The following TSC1 variants were observed in gnomAD, a reference collection of about 807,000 sequenced individuals.
The protein encoded by TSC1 is TSC complex subunit 1.
Under a neutral mutation model 124.3 loss-of-function variants are expected in TSC1, and 20 were observed. That is an observed-to-expected ratio of 0.16 (90% CI 0.11 to 0.23). TSC1 has a LOEUF of 0.23. Ranked by LOEUF, TSC1 falls within the 10% of genes least tolerant of loss-of-function variation. The pLI is 1.00. For synonymous variants in TSC1, 493 were observed against 539.1 expected (o/e 0.91, Z 1.19); for missense variants, 1,124 against 1,448.5 (o/e 0.78, Z 3.64).
chr9:132,896,456 C>T lies in TSC1; in HGVS notation c.3274G>A (p.Ala1092Thr), dbSNP rs747053008. The T allele has an allele frequency of 1.2e-6, 2 of 1,614,106 alleles. No individual in the cohort carries two copies. Among genetic ancestry groups the T allele is most frequent in the Non-Finnish European group, 1.7e-6 (2 of 1,180,056 alleles). ...PSSKSFLGMK[A>T]RELFRNKSES... The stretch of plus-strand genomic sequence containing the variant: ...CTCTTATTACGAAATAACTCTCGAG[C>T]CTTCATACCCAGGAAGCTTTTTGAA... Residue 1092 changes from alanine to threonine, a missense_variant, in exon 23 of 23, where the codon GCT becomes ACT. Around this residue, in one of 5 missense-constraint regions of TSC1, gnomAD observed 325 missense variants for 383.4 expected, o/e 0.85. Transcript: ENST00000298552. The surrounding 1 kb of genome is among the most constrained non-coding windows in gnomAD (Gnocchi z 4.5).
At position 132,925,693 on chromosome 9, in the gene TSC1, C is replaced by T. The variant is rs1846818019; in HGVS notation, c.257G>A (p.Arg86His). 1 of 1,614,194 alleles carries T rather than the reference C, an allele frequency of 6.2e-7. No individual in the cohort carries two copies. The highest frequency in any genetic ancestry group is 1.1e-5 in the South Asian group (1 of 91,086). ...ACCCAGTAACGAGAGGATGGATAAACGAGTGGCGGCTTTGCCCACATATTC... is the reference window on the plus strand; with the variant it reads ...ACCCAGTAACGAGAGGATGGATAAATGAGTGGCGGCTTTGCCCACATATTC... ...INEYVGKAAT[R>H]LSILSLLGHV... is the part of the protein sequence containing the mutation. Residue 86 changes from arginine to histidine, a missense_variant, in exon 5 of 23, where the codon CGT (arginine) becomes CAT (histidine). Physicochemically the swap from Arg to His is conservative, Grantham distance 29. Transcript: ENST00000298552.
At chr9:132,925,974 T>C (rs1003306968) in intron 4 of TSC1, 2 of 547,438 alleles carry the variant, frequency 3.7e-6, no homozygotes, top group African/African-American at 3.8e-5. Flanking sequence ...GACCCTACAA[T>C]ACACGCATGC....
Position 132,928,823 on chromosome 9 carries a change from G to A in TSC1, c.50C>T (p.Pro17Leu). The change falls in exon 3 of 23, where the codon CCC (proline) becomes CTC (leucine). Residue 17 changes from proline (P) to leucine (L), a missense_variant. Physicochemically the swap from Pro to Leu is moderately conservative, Grantham distance 98 (BLOSUM62 -3). This residue lies in a region of TSC1 where 463 missense variants were observed against 606.8 expected (regional missense o/e 0.76). Transcript: ENST00000298552. ...VGELLAMLDS[P>L]MLGVRDDVTA... ...CACGTCGTCCCGCACACCCAGCATG[G>A]GGGAGTCCAGCATGGCAAGAAGCTC... The A allele has an allele frequency of 6.2e-7, 1 of 1,614,166 alleles. No individual in the cohort carries two copies. The highest frequency in any genetic ancestry group is 8.5e-7 in the Non-Finnish European group (1 of 1,180,040).
chr9:132,921,939 A>G lies in TSC1; in HGVS notation c.543T>C (p.His181=). 6.2e-7 allele frequency: 1 copy of G among 1,614,220 alleles called. No homozygotes were observed. The highest frequency in any genetic ancestry group is 8.5e-7 in the Non-Finnish European group (1 of 1,180,022). Reference sequence around the variant, plus strand: ...GATGAAAGAGTGCGTACACACTGGCATGGAGATGGACGAGATAGACTTCCG... The same window carrying G: ...GATGAAAGAGTGCGTACACACTGGCGTGGAGATGGACGAGATAGACTTCCG... ...HVAEVYLVHL[H]ASVYALFHRL... is the part of the protein sequence containing the mutation. The change falls in exon 7 of 23, where the codon CAT becomes CAC. Residue 181 remains histidine (H), a synonymous_variant. Transcript: ENST00000298552. The surrounding 1 kb of genome is among the most constrained non-coding windows in gnomAD (Gnocchi z 4.3).
At chr9:132,913,471 A>T (rs943702199) in intron 8 of TSC1, among the ~76,000 whole-genome samples, 3 of 152,072 alleles carry the variant, frequency 2.0e-5, no homozygotes, top group Admixed American at 2.0e-4. Flanking sequence ...ATAGAATATA[A>T]CCCTTTGGTT....
chr9:132,913,744 T>C (rs570050511), intron 8 of TSC1, among the ~76,000 whole-genome samples: 1 of 140,876 alleles, frequency 7.1e-6, no homozygotes, highest in Non-Finnish European at 1.5e-5. Flanking sequence ...GAGAATGGCG[T>C]GAACCCAGGA....
At position 132,921,989 on chromosome 9, in the gene TSC1, G is replaced by A. The variant is rs1316888340; in HGVS notation, c.509-16C>T. ...GCCACGTGGCCTAGAAAAGGAACCC[G>A]TTGAGAAGAGCCTCTTAGTTGGAGA... On this transcript the variant is annotated splice_polypyrimidine_tract_variant and intron_variant, in intron 6 of 22. Transcript: ENST00000298552. This position sits in a 1 kb window ranked among gnomAD's most constrained non-coding sequence, Gnocchi z 4.3. 9 of 1,613,872 alleles carry A rather than the reference G, an allele frequency of 5.6e-6. No homozygotes were observed. Among genetic ancestry groups the A allele is most frequent in the African/African-American group, 1.3e-5 (1 of 74,916 alleles).
Position 132,928,952 on chromosome 9 carries a change from A to G in TSC1, c.-80T>C. 6.3e-7 allele frequency: 1 copy of G among 1,597,664 alleles called. No individual in the cohort carries two copies. The highest frequency in any genetic ancestry group is 2.3e-5 in the East Asian group (1 of 44,328). Reference sequence around the variant, plus strand: ...GGTTCTTCATTGGGGCCACTACCAAACTGAGAAAAAGGAAGATGAACAGTC... The same window carrying G: ...GGTTCTTCATTGGGGCCACTACCAAGCTGAGAAAAAGGAAGATGAACAGTC... On this transcript the variant is annotated splice_region_variant and 5_prime_UTR_variant, in exon 3 of 23. Coordinates refer to ENST00000298552, the MANE Select transcript of TSC1 (RefSeq NM_000368.5).
chr9:132,901,605 C>T lies in TSC1; in HGVS notation c.2486G>A (p.Ser829Asn), dbSNP rs1202468122. ...TCTTCTTACCTTTTGGGAAACCTGA[C>T]TGAGCAGCAGCTCAGTGTGACACAC... Reference protein sequence around the residue: ...NKVCHTELLLSQVSQKLSNSE... With the variant: ...NKVCHTELLLNQVSQKLSNSE... The change falls in exon 19 of 23, where the codon AGT becomes AAT. Residue 829 changes from serine (S) to asparagine (N), a missense_variant. By Grantham distance (46) the Ser-to-Asn change is conservative (BLOSUM62 1). Around this residue, in one of 5 missense-constraint regions of TSC1, gnomAD observed 321 missense variants for 397.4 expected, o/e 0.81. Coordinates refer to ENST00000298552, the MANE Select transcript of TSC1 (RefSeq NM_000368.5). The T allele has an allele frequency of 1.2e-6, 2 of 1,613,998 alleles. No individual in the cohort carries two copies. Among genetic ancestry groups the T allele is most frequent in the Non-Finnish European group, 1.7e-6 (2 of 1,180,042 alleles).
At position 132,893,506 on chromosome 9, in the gene TSC1, T is replaced by C; in HGVS notation, c.*2729A>G. The C allele has an allele frequency of 8.6e-6, 2 of 233,276 alleles. No individual in the cohort carries two copies. Among genetic ancestry groups the C allele is most frequent in the Non-Finnish European group, 1.7e-5 (2 of 118,048 alleles). The allele number at this position is 233,276 out of a possible 1,614,324, so 14.5% of individuals were successfully genotyped here. A position where few individuals can be genotyped will look rare whatever the true frequency, so the allele number is the denominator to read the frequency against. On this transcript the variant is annotated 3_prime_UTR_variant, in exon 23 of 23. Transcript: ENST00000298552. ...TGCAGGGACTCCGGAGCTCATTTGC[T>C]CTGCGTCTTCCTATCCCCCTCCCCG...
intron 1 of TSC1, among the ~76,000 whole-genome samples, chr9:132,937,373 G>A (rs938054428): frequency 2.0e-5 from 3 of 152,240 alleles, no homozygotes; most frequent in Non-Finnish European, 2.9e-5. Flanking sequence ...AACCCAGGAG[G>A]TGGAGGTTGC....
intron 12 of TSC1, among the ~76,000 whole-genome samples, chr9:132,908,961 G>T (rs1423305144): frequency 6.8e-6 from 1 of 147,268 alleles, no homozygotes; most frequent in Non-Finnish European, 1.5e-5. Flanking sequence ...CTGGAATGCA[G>T]TGGTGTGATC....
intron 3 of TSC1, 26 bp downstream of exon 3, chr9:132,928,741 G>A (rs1024984664): frequency 1.2e-6 from 2 of 1,613,020 alleles, no homozygotes; most frequent in African/African-American, 2.7e-5. Flanking sequence ...TAGAAGATAA[G>A]CTAAAAAGGA....
At chr9:132,935,648 G>A (rs1847420979) in intron 1 of TSC1, among the ~76,000 whole-genome samples, 1 of 152,164 alleles carries the variant, frequency 6.6e-6, no homozygotes, top group South Asian at 2.1e-4. Context: ...CACTGAGTGG[G>A]CCTGCAGGGC....
chr9:132,944,095 T>G (rs1847908624), intron 1 of TSC1: 1 of 153,344 alleles, frequency 6.5e-6, no homozygotes, highest in South Asian at 2.1e-4. Context: ...TCCACGCCCC[T>G]ATACCCCGAC....
chr9:132,916,577 CCA>C (rs1846281319), intron 8 of TSC1, among the ~76,000 whole-genome samples: 1 of 152,190 alleles, frequency 6.6e-6, no homozygotes, highest in Admixed American at 6.5e-5. Context: ...CATGGCTGAG[CCA>C]CAGAGTATAC....
chr9:132,942,328 C>T (rs893106368), intron 1 of TSC1: 4 of 152,128 alleles, frequency 2.6e-5, no homozygotes, highest in African/African-American at 7.2e-5. Flanking sequence ...ACAAGGTGTC[C>T]GAATATGTAG....
chr9:132,902,213 G>A lies in TSC1; in HGVS notation c.2391+392C>T, dbSNP rs1845418107. ...AGATACCATGCAGTGCCCAATAGGT[G>A]CACACGAGGCATTAGTAATTGCAAT... On this transcript the variant is annotated intron_variant, in intron 18 of 22. Coordinates refer to ENST00000298552, the MANE Select transcript of TSC1 (RefSeq NM_000368.5). This position sits in a 1 kb window ranked among gnomAD's most constrained non-coding sequence, Gnocchi z 5.2. Among the ~76,000 whole-genome samples the A allele has an allele frequency of 1.3e-5, 2 of 152,312 alleles. No homozygotes were observed. The highest frequency in any genetic ancestry group is 4.1e-4 in the South Asian group (2 of 4,826).
chr9:132,944,030 G>T, intron 1 of TSC1: 1 of 152,572 alleles, frequency 6.6e-6, no homozygotes, highest in Non-Finnish European at 1.5e-5. Context: ...AAATTTCAGC[G>T]GAGACACCGA....
Sources: allele counts gnomAD v4.1 joint callset (sites outside exome capture counted in the v4.1 genomes callset), GRCh38; gene constraint gnomAD v4.1.1; regional missense constraint gnomAD v4.1.1; non-coding constraint Gnocchi (gnomAD v3.1); transcripts MANE v1.5; gene names NCBI Gene and HGNC (gene_info 2026-07-23, HGNC 2026-07-21).